Variants in VPS13B observed in about 807,000 individuals in gnomAD.
VPS13B encodes the protein vacuolar protein sorting 13 homolog B.
In VPS13B, 285 loss-of-function variants were observed where a neutral mutation model predicts 426.4. The observed-to-expected ratio is 0.67, with a 90% CI of 0.61 to 0.74. The LOEUF (loss-of-function observed/expected upper bound fraction) is 0.74, where lower values mean the gene tolerates loss of function less well. Among genes scored for constraint, VPS13B ranks in the 30% least tolerant of loss-of-function variants. VPS13B has a pLI of 0.00. For missense variants in VPS13B, 4,537 were observed against 4,782.6 expected (o/e 0.95, Z 1.51); for synonymous variants, 1,676 against 1,676.4 (o/e 1.00, Z 0.01).
intron 3 of VPS13B, among the ~76,000 whole-genome samples, chr8:99,049,782 T>G (rs1293200089): frequency 1.3e-5 from 2 of 151,928 alleles, no homozygotes; most frequent in Non-Finnish European, 2.9e-5. Flanking sequence ...TTTAGATTTC[T>G]CTTCTTCCTC....
At chr8:99,276,651 T>C (rs1427988419) in intron 19 of VPS13B, among the ~76,000 whole-genome samples, 1 of 152,194 alleles carries the variant, frequency 6.6e-6, no homozygotes, top group Non-Finnish European at 1.5e-5. Context: ...TTGGCCTATG[T>C]GGTTTGTCTA....
rs202230044 is a variant in VPS13B, at chr8:99,423,423, A to ATTT, written c.3083-8100_3083-8098dup. ...AGGTGTGTGTCACAACATCTAGCTA[A>ATTT]TTTTTTTTTTTTTTTTGTATTTTTA... On this transcript the variant is annotated intron_variant, in intron 21 of 61. Coordinates refer to ENST00000357162, the MANE Select transcript of VPS13B (RefSeq NM_152564.5). Among the ~76,000 whole-genome samples the ATTT allele has an allele frequency of 7.5e-3, 1,035 of 138,396 alleles. 5 individuals are homozygous for ATTT. The highest frequency in any genetic ancestry group is 0.018 in the African/African-American group (682 of 37,148). The allele number at this position is 138,396 out of a possible 152,430, so 90.8% of individuals were successfully genotyped here. A position where few individuals can be genotyped will look rare whatever the true frequency, so the allele number is the denominator to read the frequency against.
At chr8:99,752,874 G>A (rs1204899106) in intron 39 of VPS13B, among the ~76,000 whole-genome samples, 1 of 152,198 alleles carries the variant, frequency 6.6e-6, no homozygotes, top group African/African-American at 2.4e-5. Flanking sequence ...CAGTGTAAGT[G>A]TTTGGTTTAT....
At chr8:99,301,355 G>A (rs1390980664) in intron 19 of VPS13B, among the ~76,000 whole-genome samples, 3 of 148,748 alleles carry the variant, frequency 2.0e-5, no homozygotes, top group East Asian at 2.0e-4. Context: ...GTTTAATGGC[G>A]CAATCTCGGC....
chr8:99,639,297 A>G (rs1456480408), intron 33 of VPS13B, among the ~76,000 whole-genome samples: 3 of 152,210 alleles, frequency 2.0e-5, no homozygotes, highest in Non-Finnish European at 4.4e-5. Context: ...GTGAACTACT[A>G]AGATCACCAA....
intron 8 of VPS13B, among the ~76,000 whole-genome samples, chr8:99,128,848 A>T (rs993927938): frequency 2.0e-5 from 3 of 152,162 alleles, no homozygotes; most frequent in African/African-American, 4.8e-5. Flanking sequence ...GTTATAAAAT[A>T]CTTTAAGATA....
At chr8:99,861,405 G>A (rs1166058707) in intron 57 of VPS13B, among the ~76,000 whole-genome samples, 3 of 152,136 alleles carry the variant, frequency 2.0e-5, no homozygotes, top group Non-Finnish European at 2.9e-5. Flanking sequence ...GGGCTTAGGC[G>A]ATCCTCCCAC....
In VPS13B at chr8:99,199,296, C is replaced by T. The variant is rs1046088799; in HGVS notation, c.2515+6239C>T. 5.3e-5 allele frequency among the ~76,000 whole-genome samples: 8 copies of T among 152,178 alleles called. No individual in the cohort carries two copies. The South Asian group carries it at 6.2e-4, about 12-fold the overall frequency. On this transcript the variant is annotated intron_variant, in intron 17 of 61. Transcript: ENST00000357162. ...TCCTGGGTTCATGCCATTTTCCTCC[C>T]GAGTAGCTGGGACTACAGGTGCCTG...
rs558917637 is a variant in VPS13B at position 99,871,494 on chromosome 8, G to A, written c.11542G>A (p.Asp3848Asn). ...CAGACCAGAAGTCCACATGGCCCTG[G>A]ACGTGGTTCTGGTGAGGGGCTCAGG... is the stretch of plus-strand genomic sequence containing the variant. ...LGRPEVHMALDVVLVRGSGQE... is the reference protein window; with the variant it reads ...LGRPEVHMALNVVLVRGSGQE... Residue 3848 changes from aspartate to asparagine, a missense_variant, in exon 61 of 62, where the codon GAC becomes AAC. Physicochemically the swap from Asp to Asn is conservative, Grantham distance 23 (BLOSUM62 1). Around this residue, in one of 2 missense-constraint regions of VPS13B, gnomAD observed 4,311 missense variants for 4,474.3 expected, o/e 0.96. Coordinates refer to ENST00000357162, the MANE Select transcript of VPS13B (RefSeq NM_152564.5). The A allele has an allele frequency of 6.2e-7, 1 of 1,614,232 alleles. No individual in the cohort carries two copies. Among genetic ancestry groups the A allele is most frequent in the Non-Finnish European group, 8.5e-7 (1 of 1,180,040 alleles).
chr8:99,870,845 T>C lies in VPS13B; in HGVS notation c.11453T>C (p.Leu3818Pro). 6.2e-7 allele frequency: 1 copy of C among 1,614,236 alleles called. No individual in the cohort carries two copies. The highest frequency in any genetic ancestry group is 8.5e-7 in the Non-Finnish European group (1 of 1,180,030). ...LPKQRHQPSDLHADQAPNSHV... is the reference protein window; with the variant it reads ...LPKQRHQPSDPHADQAPNSHV... The stretch of plus-strand genomic sequence containing the variant: ...AAACAGCGCCATCAGCCAAGTGATC[T>C]ACATGCTGACCAGGCTCCAAACAGC... The change falls in exon 60 of 62, where the codon CTA becomes CCA. Residue 3818 changes from leucine to proline, a missense_variant. Leu to Pro is a moderately conservative substitution (Grantham distance 98). Transcript: ENST00000357162.
chr8:99,032,246 C>T (rs1034842659), intron 2 of VPS13B, among the ~76,000 whole-genome samples: 1 of 152,152 alleles, frequency 6.6e-6, no homozygotes, highest in Non-Finnish European at 1.5e-5. Flanking sequence ...CTCCCATAGA[C>T]ACTAAACTCA....
intron 23 of VPS13B, among the ~76,000 whole-genome samples, chr8:99,458,379 C>T (rs1448699248): frequency 5.1e-5 from 7 of 136,556 alleles, no homozygotes; most frequent in African/African-American, 2.1e-4. Flanking sequence ...TATAAACATA[C>T]GTGTGGCCTG....
At chr8:99,721,416 C>T (rs1563881923) in intron 39 of VPS13B, among the ~76,000 whole-genome samples, 1 of 152,068 alleles carries the variant, frequency 6.6e-6, no homozygotes, top group Non-Finnish European at 1.5e-5. Flanking sequence ...CAAAATATGC[C>T]CATGTAAGGC....
At position 99,165,476 on chromosome 8, in the gene VPS13B, A is replaced by G. The variant is rs1343334251; in HGVS notation, c.2209-4563A>G. 2.0e-5 allele frequency among the ~76,000 whole-genome samples: 3 copies of G among 152,352 alleles called. No homozygotes were observed. The East Asian group carries it at 5.8e-4, about 29-fold the overall frequency. ...TTGAAACATATGTAGAAAATTTGGT[A>G]ATGTGACTGCGTTGTGTAATTTGTA... is the stretch of plus-strand genomic sequence containing the variant. On this transcript the variant is annotated intron_variant, in intron 15 of 61. Transcript: ENST00000357162.
At chr8:99,596,893 C>T (rs146609360) in intron 33 of VPS13B, among the ~76,000 whole-genome samples, 8 of 152,118 alleles carry the variant, frequency 5.3e-5, no homozygotes, top group Admixed American at 3.9e-4. Context: ...TGGAGTACAA[C>T]CAGCATCCGT....
At chr8:99,297,180 C>G (rs1820086762) in intron 19 of VPS13B, among the ~76,000 whole-genome samples, 1 of 151,990 alleles carries the variant, frequency 6.6e-6, no homozygotes, top group African/African-American at 2.4e-5. Flanking sequence ...GATGACAAAA[C>G]TTAGTTTAGA....
chr8:99,571,839 T>C (rs1194723331), intron 31 of VPS13B, among the ~76,000 whole-genome samples: 1 of 152,178 alleles, frequency 6.6e-6, no homozygotes, highest in Non-Finnish European at 1.5e-5. Flanking sequence ...TCACCAGATC[T>C]CTTAATTCTT....
At chr8:99,809,031 G>T (rs1446275026) in intron 43 of VPS13B, among the ~76,000 whole-genome samples, 2 of 151,824 alleles carry the variant, frequency 1.3e-5, no homozygotes, top group African/African-American at 4.8e-5. Context: ...AAAACCGTCA[G>T]CCAATACCAA....
intron 36 of VPS13B, 115 bp from the exon 37 acceptor site, chr8:99,717,056 G>A: frequency 9.2e-7 from 1 of 1,082,906 alleles, no homozygotes; most frequent in South Asian, 1.4e-5. Context: ...TGCCAACCAA[G>A]CAAGACGACT....
Sources: allele counts gnomAD v4.1 joint callset (sites outside exome capture counted in the v4.1 genomes callset), GRCh38; gene constraint gnomAD v4.1.1; regional missense constraint gnomAD v4.1.1; transcripts MANE v1.5; gene names NCBI Gene and HGNC (gene_info 2026-07-23, HGNC 2026-07-21).